The following MAVS variants were observed in gnomAD, a reference collection of about 807,000 sequenced individuals.
MAVS encodes mitochondrial antiviral signaling protein, also known as mitochondrial antiviral-signaling protein.
MAVS carries 20 observed loss-of-function variants against 30.2 expected under a neutral mutation model. The observed-to-expected ratio is 0.66, with a 90% CI of 0.47 to 0.96. The LOEUF is 0.96. Ranked by LOEUF, MAVS falls within the 40% of genes least tolerant of loss-of-function variation. MAVS has a pLI of 0.00. For synonymous variants in MAVS, 278 were observed against 293.9 expected (o/e 0.95, Z 0.55); for missense variants, 624 against 701.1 (o/e 0.89, Z 1.24).
chr20:3,856,710 C>T (rs974353303), intron 2 of MAVS, among the ~76,000 whole-genome samples: 4 of 152,080 alleles, frequency 2.6e-5, no homozygotes, highest in Middle Eastern at 3.4e-3. Flanking sequence ...TGTCTGGTTG[C>T]TTGTTTTTAT....
At chr20:3,861,586 C>T in intron 4 of MAVS, 82 bp downstream of exon 4, 1 of 1,419,182 alleles carries the variant, frequency 7.0e-7, no homozygotes, top group Non-Finnish European at 9.7e-7. Context: ...TCCAGAAACC[C>T]TCTCCCGTCC....
In MAVS at chr20:3,864,444, G is replaced by C. The variant is rs763338451; in HGVS notation, c.814G>C (p.Gly272Arg). 3 of 1,613,954 alleles carry C rather than the reference G, an allele frequency of 1.9e-6. No individual in the cohort carries two copies. The highest frequency in any genetic ancestry group is 1.7e-6 in the Non-Finnish European group (2 of 1,179,978). ...ASAGAAEGKQ[G>R]AESDQAEPII... ...TGCAGGGGCTGCAGAGGGTAAACAG[G>C]GTGCAGAGAGTGACCAGGCCGAGCC... The change falls in exon 6 of 7, where the codon GGT becomes CGT. Residue 272 changes from glycine (G) to arginine (R), a missense_variant. By Grantham distance (125) the Gly-to-Arg change is moderately radical (BLOSUM62 -2). Transcript: ENST00000428216.
At position 3,867,420 on chromosome 20, in the gene MAVS, AC is replaced by A; in HGVS notation, c.*1277del. On this transcript the variant is annotated 3_prime_UTR_variant, in exon 7 of 7. Coordinates refer to ENST00000428216, the MANE Select transcript of MAVS (RefSeq NM_020746.5). ...GGTCCAGGCATGCTGGGCAACAGGG[AC>A]CCCATCTCTACAAAAAAGTTTAAAA... 5.4e-6 allele frequency: 1 copy of A among 185,872 alleles called. No homozygotes were observed. The highest frequency in any genetic ancestry group is 1.4e-4 in the East Asian group (1 of 6,962). 11.5% of individuals were successfully genotyped at this position (185,872 alleles called of 1,614,324 possible).
At chr20:3,863,820 A>G (rs930735935) in intron 5 of MAVS, among the ~76,000 whole-genome samples, 3 of 152,022 alleles carry the variant, frequency 2.0e-5, no homozygotes, top group Non-Finnish European at 2.9e-5. Flanking sequence ...TGCATGAGCC[A>G]TCCTGCCACC....
intron 2 of MAVS, 103 bp from the exon 3 acceptor site, chr20:3,857,532 T>C (rs1203987433): frequency 1.6e-5 from 23 of 1,401,612 alleles, no homozygotes; most frequent in Non-Finnish European, 2.2e-5. Context: ...GCCTTGCCCT[T>C]GTGGCTTTCT....
rs745910663 is a variant in MAVS at position 3,854,677 on chromosome 20, A to G, written c.53A>G (p.Asn18Ser). 7 of 1,613,742 alleles carry G rather than the reference A, an allele frequency of 4.3e-6. No homozygotes were observed. The African/African-American group carries it at 5.3e-5, about 12-fold the overall frequency. Residue 18 changes from asparagine (N) to serine (S), a missense_variant, in exon 2 of 7, where the codon AAT becomes AGT. By Grantham distance (46) the Asn-to-Ser change is conservative. Transcript: ENST00000428216. Reference protein sequence around the residue: ...TYKYICRNFSNFCNVDVVEIL... With the variant: ...TYKYICRNFSSFCNVDVVEIL... ...AAGTATATCTGCCGCAATTTCAGCA[A>G]TTTTTGCAATGTGGATGTTGTAGAG...
intron 3 of MAVS, among the ~76,000 whole-genome samples, chr20:3,859,527 A>T (rs763407936): frequency 2.8e-4 from 43 of 151,280 alleles, no homozygotes; most frequent in South Asian, 6.3e-4. Context: ...AAAACCCAAA[A>T]ATAGTGATCC....
chr20:3,864,863 G>C (rs2089894849), intron 6 of MAVS, 75 bp downstream of exon 6: 1 of 1,546,144 alleles, frequency 6.5e-7, no homozygotes, highest in East Asian at 2.3e-5. Flanking sequence ...CCCTGGCCTT[G>C]GCCCCTTCCC....
chr20:3,865,923 G>C lies in MAVS; in HGVS notation c.1399G>C (p.Gly467Arg). Residue 467 changes from glycine to arginine, a missense_variant, in exon 7 of 7, where the codon GGG becomes CGG. Gly to Arg is a moderately radical substitution (Grantham distance 125). Transcript: ENST00000428216. This position sits in a 1 kb window ranked among gnomAD's most constrained non-coding sequence, Gnocchi z 4.7. ...ENEYKSEGTFGIHVAENPSIQ... is the reference protein window; with the variant it reads ...ENEYKSEGTFRIHVAENPSIQ... ...TGAGTATAAGTCCGAGGGCACCTTT[G>C]GGATCCACGTGGCTGAGAACCCCAG... The C allele has an allele frequency of 1.9e-6, 3 of 1,613,890 alleles. No individual in the cohort carries two copies. Among genetic ancestry groups the C allele is most frequent in the Non-Finnish European group, 2.5e-6 (3 of 1,179,914 alleles).
At chr20:3,852,970 C>A in intron 1 of MAVS, among the ~76,000 whole-genome samples, 1 of 150,294 alleles carries the variant, frequency 6.7e-6, no homozygotes, top group Non-Finnish European at 1.5e-5. Flanking sequence ...TCCTGAATAG[C>A]TGGGACTGCA....
At position 3,871,334 on chromosome 20, in the gene MAVS, C is replaced by T. The variant is rs1317675714; in HGVS notation, c.*5187C>T. On this transcript the variant is annotated 3_prime_UTR_variant, in exon 7 of 7. Transcript: ENST00000428216. ...CATCCACCTCTTGGTTTTGTGGCCT[C>T]TGTGGATGACGTCTCTCACCTTGAA... The T allele has an allele frequency of 6.5e-6, 1 of 153,904 alleles. No homozygotes were observed. The highest frequency in any genetic ancestry group is 2.4e-5 in the African/African-American group (1 of 41,448). 9.5% of individuals were successfully genotyped at this position (153,904 alleles called of 1,614,324 possible). A position where few individuals can be genotyped will look rare whatever the true frequency, so the allele number is the denominator to read the frequency against.
Position 3,866,673 on chromosome 20 carries a change from G to GC in MAVS, c.*529dup, listed in dbSNP as rs1202618469. ...GCGGCAGGGTGGCTGCTCTCCAGGA[G>GC]CCCAACTGCCTTGAGTTCCTGCCCC... On this transcript the variant is annotated 3_prime_UTR_variant, in exon 7 of 7. Transcript: ENST00000428216. The GC allele has an allele frequency of 1.1e-5, 4 of 355,728 alleles. No individual in the cohort carries two copies. The highest frequency in any genetic ancestry group is 2.1e-5 in the African/African-American group (1 of 46,678). 22.0% of individuals were successfully genotyped at this position (355,728 alleles called of 1,614,324 possible). A position where few individuals can be genotyped will look rare whatever the true frequency, so the allele number is the denominator to read the frequency against.
chr20:3,859,276 G>C (rs2089841630), intron 3 of MAVS, among the ~76,000 whole-genome samples: 1 of 152,066 alleles, frequency 6.6e-6, no homozygotes, highest in African/African-American at 2.4e-5. Flanking sequence ...GGGAGGCCGA[G>C]GCGGGCGGAT....
intron 3 of MAVS, among the ~76,000 whole-genome samples, chr20:3,860,127 C>T (rs1351473811): frequency 6.6e-6 from 1 of 151,930 alleles, no homozygotes; most frequent in Non-Finnish European, 1.5e-5. Context: ...CTGCTTGTCA[C>T]TCTTGAGGAG....
chr20:3,847,487 G>A (rs1397431312), intron 1 of MAVS, among the ~76,000 whole-genome samples: 2 of 152,190 alleles, frequency 1.3e-5, no homozygotes, highest in Non-Finnish European at 2.9e-5. Flanking sequence ...GCTGTATTGG[G>A]AACACTCTGT....
chr20:3,850,741 C>G (rs1208432963), intron 1 of MAVS, among the ~76,000 whole-genome samples: 1 of 151,198 alleles, frequency 6.6e-6, no homozygotes, highest in Non-Finnish European at 1.5e-5. Context: ...AAAAAATTAG[C>G]CGGGTGTGGT....
At chr20:3,847,809 C>T (rs1371207067) in intron 1 of MAVS, among the ~76,000 whole-genome samples, 1 of 152,178 alleles carries the variant, frequency 6.6e-6, no homozygotes, top group Non-Finnish European at 1.5e-5. Flanking sequence ...TGACCAGTTG[C>T]AGTGAGGCAG....
At chr20:3,848,652 C>A (rs771891875) in intron 1 of MAVS, among the ~76,000 whole-genome samples, 1 of 152,194 alleles carries the variant, frequency 6.6e-6, no homozygotes, top group Non-Finnish European at 1.5e-5. Flanking sequence ...TACAGCACTG[C>A]CTCCTGAGAG....
intron 5 of MAVS, among the ~76,000 whole-genome samples, chr20:3,863,886 G>A (rs558903991): frequency 7.9e-5 from 12 of 152,314 alleles, no homozygotes; most frequent in African/African-American, 2.9e-4. Context: ...GGACAGCAGT[G>A]GGGGAAGTGT....
Sources: allele counts gnomAD v4.1 joint callset (sites outside exome capture counted in the v4.1 genomes callset), GRCh38; gene constraint gnomAD v4.1.1; non-coding constraint Gnocchi (gnomAD v3.1); transcripts MANE v1.5; gene names NCBI Gene and HGNC (gene_info 2026-07-23, HGNC 2026-07-21).